NRG3: variants seen among roughly 807,000 people sequenced by gnomAD.
NRG3 encodes neuregulin 3, also known as pro-neuregulin-3, membrane-bound isoform.
A neutral mutation model predicts 66.9 loss-of-function variants in NRG3; 31 were observed. The ratio of observed to expected loss-of-function variants is 0.46; its 90% CI spans 0.35 to 0.63. The LOEUF (loss-of-function observed/expected upper bound fraction) is 0.63, where lower values mean the gene tolerates loss of function less well. Ranked by LOEUF, NRG3 falls within the 20% of genes least tolerant of loss-of-function variation. The pLI, the probability that NRG3 is intolerant of heterozygous loss-of-function variation, is 0.00. For synonymous variants in NRG3, 393 were observed against 359.4 expected, an observed-to-expected ratio of 1.09 and a Z score of -1.06; for missense variants, 910 against 878.9, an observed-to-expected ratio of 1.04 and a Z score of -0.45.
At chr10:82,601,896 A>G (rs977040648) in intron 2 of NRG3, among the ~76,000 whole-genome samples, 1 of 147,214 alleles carries the variant, frequency 6.8e-6, no homozygotes, top group African/African-American at 2.5e-5. Flanking sequence ...ACAAATATAT[A>G]TATATAACTA....
At chr10:82,059,919 A>C (rs974068243) in intron 1 of NRG3, among the ~76,000 whole-genome samples, 12 of 152,154 alleles carry the variant, frequency 7.9e-5, no homozygotes, top group Non-Finnish European at 1.8e-4. Context: ...GTTGTAACTT[A>C]GTATAGAAAT....
intron 1 of NRG3, among the ~76,000 whole-genome samples, chr10:82,335,833 AAAT>A (rs1410819090): frequency 2.0e-5 from 3 of 152,228 alleles, no homozygotes; most frequent in African/African-American, 7.2e-5. Flanking sequence ...GCACTGAAAT[AAAT>A]AATGACAAAA....
intron 2 of NRG3, among the ~76,000 whole-genome samples, chr10:82,487,379 A>T (rs1232632518): frequency 6.6e-6 from 1 of 152,106 alleles, no homozygotes; most frequent in Non-Finnish European, 1.5e-5. Flanking sequence ...TAAGTCTAAT[A>T]CACGCTTTCT....
At chr10:82,061,167 A>G (rs1421570508) in intron 1 of NRG3, among the ~76,000 whole-genome samples, 1 of 152,112 alleles carries the variant, frequency 6.6e-6, no homozygotes, top group African/African-American at 2.4e-5. Flanking sequence ...CCTAGCCAAT[A>G]TGGTGAAACC....
At chr10:82,256,916 C>G (rs1199687605) in intron 1 of NRG3, among the ~76,000 whole-genome samples, 1 of 152,172 alleles carries the variant, frequency 6.6e-6, no homozygotes, top group Non-Finnish European at 1.5e-5. Context: ...TAGGAAATGA[C>G]TTCCTGCAAA....
chr10:82,284,451 ACTAT>A lies in NRG3; in HGVS notation c.824-74285_824-74282del, dbSNP rs529179657. Reference sequence around the variant, plus strand: ...ATGTCATCCCCATGGGTTAAACTGGACTATCTGTCTATTTTTCCTGCAGGGTGAG... The same window carrying A: ...ATGTCATCCCCATGGGTTAAACTGGACTGTCTATTTTTCCTGCAGGGTGAG... On this transcript the variant is annotated intron_variant, in intron 1 of 8. Coordinates refer to ENST00000372141, the MANE Select transcript of NRG3 (RefSeq NM_001010848.4). Among the ~76,000 whole-genome samples, 244 of 152,314 alleles carry A rather than the reference ACTAT, an allele frequency of 1.6e-3. 1 individual carries two copies. The highest frequency in any genetic ancestry group is 5.4e-3 in the African/African-American group (223 of 41,578).
chr10:82,597,271 G>A (rs555770917), intron 2 of NRG3, among the ~76,000 whole-genome samples: 20 of 152,250 alleles, frequency 1.3e-4, no homozygotes, highest in African/African-American at 3.6e-4. Flanking sequence ...TGAGGTTAGC[G>A]TGAGAGGAAG....
intron 1 of NRG3, among the ~76,000 whole-genome samples, chr10:82,114,194 T>C (rs2067558828): frequency 6.6e-6 from 1 of 152,300 alleles, no homozygotes; most frequent in Admixed American, 6.5e-5. Flanking sequence ...TGCATAGATA[T>C]ACCCCATTTT....
rs773683542 is a variant in NRG3, at chr10:82,985,469, T to C, written c.1955T>C (p.Leu652Pro). The C allele has an allele frequency of 6.2e-7, 1 of 1,614,092 alleles. No homozygotes were observed. Residue 652 changes from leucine (L) to proline (P), a missense_variant, in exon 9 of 9, where the codon CTG (leucine) becomes CCG (proline). Physicochemically the swap from Leu to Pro is moderately conservative, Grantham distance 98. Coordinates refer to ENST00000372141, the MANE Select transcript of NRG3 (RefSeq NM_001010848.4). ...GCCAGACGGTCAGAAGACTACGAAC[T>C]GGCCAGCGTAGAAACCGAGGACAGT... The part of the protein sequence containing the change: ...TDARRSEDYE[L>P]ASVETEDSAS...
chr10:82,898,851 A>T (rs1475587404), intron 4 of NRG3, among the ~76,000 whole-genome samples: 1 of 147,800 alleles, frequency 6.8e-6, no homozygotes, highest in Admixed American at 6.9e-5. Context: ...CCTCCCTAGT[A>T]GTTGGGACTG....
chr10:82,754,655 C>A (rs1440204772), intron 3 of NRG3, among the ~76,000 whole-genome samples: 1 of 151,986 alleles, frequency 6.6e-6, no homozygotes, highest in Non-Finnish European at 1.5e-5. Context: ...AATGACAAGC[C>A]TCAACCCAAT....
intron 2 of NRG3, among the ~76,000 whole-genome samples, chr10:82,679,862 G>GAA (rs971337197): frequency 6.8e-6 from 1 of 145,994 alleles, no homozygotes; most frequent in Non-Finnish European, 1.5e-5. Context: ...TTACCTACTG[G>GAA]AAAAAAAAAA....
At chr10:82,555,673 C>G (rs2044600971) in intron 2 of NRG3, among the ~76,000 whole-genome samples, 1 of 152,160 alleles carries the variant, frequency 6.6e-6, no homozygotes, top group Non-Finnish European at 1.5e-5. Context: ...CTGCCTTCTA[C>G]CAATGGCCAG....
In NRG3 at chr10:82,259,123, T is replaced by C. The variant is rs532210889; in HGVS notation, c.824-99616T>C. Among the ~76,000 whole-genome samples, 5 of 152,302 alleles carry C rather than the reference T, an allele frequency of 3.3e-5. No homozygotes were observed. In the East Asian group the frequency reaches 9.7e-4, roughly 29 times the overall value. Reference sequence around the variant, plus strand: ...TGCAACCCCATATGAAAGGGAGCTTTTCAGTCACCATGGGTTAATTTCAGA... The same window carrying C: ...TGCAACCCCATATGAAAGGGAGCTTCTCAGTCACCATGGGTTAATTTCAGA... On this transcript the variant is annotated intron_variant, in intron 1 of 8. Transcript: ENST00000372141.
At chr10:82,280,836 A>C (rs1347113069) in intron 1 of NRG3, among the ~76,000 whole-genome samples, 1 of 152,142 alleles carries the variant, frequency 6.6e-6, no homozygotes, top group Non-Finnish European at 1.5e-5. Flanking sequence ...AACTAAAGGG[A>C]AGTTGAAGCT....
At chr10:81,996,251 A>G (rs2060935138) in intron 1 of NRG3, among the ~76,000 whole-genome samples, 1 of 152,202 alleles carries the variant, frequency 6.6e-6, no homozygotes, top group Non-Finnish European at 1.5e-5. Context: ...TAATATTTCT[A>G]CAAGGTATGA....
intron 1 of NRG3, among the ~76,000 whole-genome samples, chr10:81,955,130 T>C (rs1443446661): frequency 6.8e-6 from 1 of 147,578 alleles, no homozygotes. Flanking sequence ...ATATACCTGT[T>C]ATATAATATA....
chr10:82,058,951 AG>A (rs1366144819), intron 1 of NRG3, among the ~76,000 whole-genome samples: 1 of 152,168 alleles, frequency 6.6e-6, no homozygotes, highest in African/African-American at 2.4e-5. Flanking sequence ...CTGTATTTCC[AG>A]TATGTGGGGA....
chr10:82,655,402 C>T (rs2051761737), intron 2 of NRG3, among the ~76,000 whole-genome samples: 1 of 152,038 alleles, frequency 6.6e-6, no homozygotes. Flanking sequence ...TTTTTAAGTA[C>T]ATGAAACAGA....
Sources: allele counts gnomAD v4.1 joint callset (sites outside exome capture counted in the v4.1 genomes callset), GRCh38; gene constraint gnomAD v4.1.1; transcripts MANE v1.5; gene names NCBI Gene and HGNC (gene_info 2026-07-23, HGNC 2026-07-21).